RFX3: variants seen among roughly 807,000 people sequenced by gnomAD.
The protein encoded by RFX3 is transcription factor RFX3.
Under a neutral mutation model 98.6 loss-of-function variants are expected in RFX3, and 14 were observed. That is an observed-to-expected ratio of 0.14 (90% CI 0.09 to 0.22). The LOEUF is 0.22. Ranked by LOEUF, RFX3 falls within the 10% of genes least tolerant of loss-of-function variation. The pLI, the probability that RFX3 is intolerant of heterozygous loss-of-function variation, is 1.00. For synonymous variants in RFX3, 383 were observed against 328.4 expected (o/e 1.17, Z -1.80); for missense variants, 639 against 926.9 (o/e 0.69, Z 4.03).
intron 12 of RFX3, among the ~76,000 whole-genome samples, chr9:3,263,613 A>G (rs1418313881): frequency 6.6e-6 from 1 of 152,178 alleles, no homozygotes; most frequent in Non-Finnish European, 1.5e-5. Flanking sequence ...GAAACGAGTA[A>G]TTTTGAGGCG....
chr9:3,220,134 T>C lies in RFX3; in HGVS notation c.*4908A>G, dbSNP rs1817263522. On this transcript the variant is annotated 3_prime_UTR_variant, in exon 17 of 17. Transcript: ENST00000617270. ...TATATATAATTTTTTGACAACGTAT[T>C]AAAGTTTTGGAGCATAGATAAAATT... is the stretch of plus-strand genomic sequence containing the variant. The C allele has an allele frequency of 6.6e-6, 1 of 152,184 alleles. No individual in the cohort carries two copies. The highest frequency in any genetic ancestry group is 2.1e-4 in the South Asian group (1 of 4,834). The allele number at this position is 152,184 out of a possible 1,614,324, so 9.4% of individuals were successfully genotyped here. A position where few individuals can be genotyped will look rare whatever the true frequency, so the allele number is the denominator to read the frequency against.
At position 3,220,325 on chromosome 9, in the gene RFX3, T is replaced by A. The variant is rs1381658342; in HGVS notation, c.*4717A>T. ...AAGCTAAATAAATGAGATCTTTTGATTCATTTTGGGAAAAAAAAGACAAAA... is the reference window on the plus strand; with the variant it reads ...AAGCTAAATAAATGAGATCTTTTGAATCATTTTGGGAAAAAAAAGACAAAA... On this transcript the variant is annotated 3_prime_UTR_variant, in exon 17 of 17. Transcript: ENST00000617270. The A allele has an allele frequency of 2.0e-5, 3 of 150,910 alleles. No homozygotes were observed. Among genetic ancestry groups the A allele is most frequent in the Admixed American group, 1.3e-4 (2 of 15,244 alleles). 9.3% of individuals were successfully genotyped at this position (150,910 alleles called of 1,614,324 possible). A position where few individuals can be genotyped will look rare whatever the true frequency, so the allele number is the denominator to read the frequency against.
rs530294302 is a variant in RFX3 at position 3,412,192 on chromosome 9, C to T, written c.-8-16596G>A. Among the ~76,000 whole-genome samples the T allele has an allele frequency of 3.3e-5, 5 of 152,242 alleles. No homozygotes were observed. The East Asian group carries it at 5.8e-4, about 18-fold the overall frequency. On this transcript the variant is annotated intron_variant, in intron 1 of 16. Coordinates refer to ENST00000617270, the MANE Select transcript of RFX3 (RefSeq NM_001282116.2). ...GTAGAACTACTTCATAATAAGACCA[C>T]TAAAGGTCAACACTAATCATGTTGT...
Position 3,288,175 on chromosome 9 carries a change from C to A in RFX3, c.807G>T (p.Met269Ile). The change falls in exon 7 of 17, where the codon ATG becomes ATT. Residue 269 changes from methionine (M) to isoleucine (I), a missense_variant. Physicochemically the swap from Met to Ile is conservative, Grantham distance 10. Around this residue, in one of 9 missense-constraint regions of RFX3, gnomAD observed 86 missense variants for 113.2 expected, o/e 0.76. Coordinates refer to ENST00000617270, the MANE Select transcript of RFX3 (RefSeq NM_001282116.2). ...GTTGTTGTCTCATAGCCATATACTG[C>A]ATGTCTTCTTGCAGACGATTAAGAG... ...DSPLNRLQED[M>I]QYMAMRQQPM... 3.1e-6 allele frequency: 5 copies of A among 1,612,842 alleles called. No homozygotes were observed. Among genetic ancestry groups the A allele is most frequent in the Non-Finnish European group, 4.2e-6 (5 of 1,179,006 alleles).
At chr9:3,385,069 A>C (rs1414709798) in intron 2 of RFX3, among the ~76,000 whole-genome samples, 2 of 152,210 alleles carry the variant, frequency 1.3e-5, no homozygotes, top group East Asian at 1.9e-4. Context: ...TCAGCTATAC[A>C]TTGAGATCTA....
At chr9:3,443,191 AT>A (rs1845748314) in intron 1 of RFX3, among the ~76,000 whole-genome samples, 1 of 152,150 alleles carries the variant, frequency 6.6e-6, no homozygotes, top group African/African-American at 2.4e-5. Context: ...AATGGCTAAC[AT>A]TTTATTTTCT....
At chr9:3,509,122 T>C (rs1031402840) in intron 1 of RFX3, among the ~76,000 whole-genome samples, 2 of 151,782 alleles carry the variant, frequency 1.3e-5, no homozygotes, top group Non-Finnish European at 2.9e-5. Context: ...AATCAGATAA[T>C]AGCATAGTTG....
chr9:3,399,663 T>G (rs1225541733), intron 1 of RFX3, among the ~76,000 whole-genome samples: 1 of 151,934 alleles, frequency 6.6e-6, no homozygotes, highest in Non-Finnish European at 1.5e-5. Context: ...AAATTGCTTT[T>G]TGAGGGGGCC....
At position 3,525,808 on chromosome 9, in the gene RFX3, GGAGGAGGAA is replaced by G. The variant is rs1819227273; in HGVS notation, c.-79_-71del. The G allele has an allele frequency of 4.0e-6, 3 of 747,156 alleles. No individual in the cohort carries two copies. The highest frequency in any genetic ancestry group is 4.9e-6 in the Non-Finnish European group (3 of 611,460). 46.3% of individuals were successfully genotyped at this position (747,156 alleles called of 1,614,324 possible). ...ATGGAGATGGTGGTGGTGGGGAGGA[GGAGGAGGAA>G]GAGGAGGAGGAGGAGGAGAGGAGTA... On this transcript the variant is annotated 5_prime_UTR_variant, in exon 1 of 17. Transcript: ENST00000617270.
rs141856503 is a variant in RFX3, at chr9:3,331,497, C to T, written c.216-980G>A. Among the ~76,000 whole-genome samples, 1,109 of 152,152 alleles carry T rather than the reference C, an allele frequency of 7.3e-3. 12 individuals are homozygous for T. The highest frequency in any genetic ancestry group is 0.026 in the African/African-American group (1,063 of 41,518). On this transcript the variant is annotated intron_variant, in intron 3 of 16. Transcript: ENST00000617270. ...AAAATTGAAATTCCCAGTTCTTTTG[C>T]TATTATCTTCAACGCCACCTCCTAA...
intron 6 of RFX3, among the ~76,000 whole-genome samples, chr9:3,289,789 T>G (rs1297207159): frequency 1.3e-5 from 2 of 152,102 alleles, no homozygotes; most frequent in Admixed American, 6.6e-5. Flanking sequence ...AGGTACCTTT[T>G]TATTTGCCTT....
intron 1 of RFX3, among the ~76,000 whole-genome samples, chr9:3,519,123 T>A (rs957440694): frequency 3.9e-5 from 6 of 152,160 alleles, no homozygotes; most frequent in Admixed American, 1.3e-4. Flanking sequence ...AATGGGAGTA[T>A]AACAGATAAT....
chr9:3,348,744 C>T (rs1016781037), intron 2 of RFX3, among the ~76,000 whole-genome samples: 3 of 151,968 alleles, frequency 2.0e-5, no homozygotes, highest in Non-Finnish European at 2.9e-5. Context: ...AGCTTTTGAA[C>T]ATATTTAATG....
intron 2 of RFX3, among the ~76,000 whole-genome samples, chr9:3,383,794 G>A (rs1839434049): frequency 1.3e-5 from 2 of 152,070 alleles, no homozygotes; most frequent in Admixed American, 6.6e-5. Context: ...TTCTGCATGG[G>A]GATGGGGGTT....
chr9:3,373,256 T>G (rs1838063536), intron 2 of RFX3, among the ~76,000 whole-genome samples: 1 of 152,106 alleles, frequency 6.6e-6, no homozygotes, highest in South Asian at 2.1e-4. Context: ...AATTCAACAT[T>G]TTCTTAAAGC....
intron 1 of RFX3, among the ~76,000 whole-genome samples, chr9:3,438,315 G>A (rs972061062): frequency 1.3e-5 from 2 of 152,032 alleles, no homozygotes; most frequent in South Asian, 2.1e-4. Flanking sequence ...ATACTTACAC[G>A]ACATTAGACT....
intron 2 of RFX3, among the ~76,000 whole-genome samples, chr9:3,363,799 T>C (rs984294858): frequency 6.6e-6 from 1 of 152,200 alleles, no homozygotes; most frequent in Non-Finnish European, 1.5e-5. Flanking sequence ...TACCAGTGTT[T>C]CCCCAAATAT....
At chr9:3,509,852 C>A (rs753523874) in intron 1 of RFX3, among the ~76,000 whole-genome samples, 1 of 151,802 alleles carries the variant, frequency 6.6e-6, no homozygotes, top group Non-Finnish European at 1.5e-5. Flanking sequence ...AGTGTGGAGG[C>A]TGGAGTTCGA....
chr9:3,443,673 C>T (rs115252769), intron 1 of RFX3, among the ~76,000 whole-genome samples: 2,522 of 152,114 alleles, frequency 0.017, 69 homozygotes, highest in African/African-American at 0.056. Flanking sequence ...TATACACATG[C>T]GTGTATCTTT....
Sources: gnomAD v4.1 joint callset for allele counts (sites outside exome capture counted in the v4.1 genomes callset) on GRCh38, gnomAD v4.1.1 for gene constraint, gnomAD v4.1.1 regional missense constraint, MANE v1.5 for transcripts, NCBI Gene and HGNC (gene_info 2026-07-23, HGNC 2026-07-21) for gene names.